Variants in NTM observed in about 807,000 individuals in gnomAD.
NTM encodes the protein neurotrimin, also known as IgLON family member 2.
NTM carries 13 observed loss-of-function variants against 42.1 expected under a neutral mutation model. That is an observed-to-expected ratio of 0.31 (90% CI 0.20 to 0.49). NTM has a LOEUF of 0.49. NTM is among the 20% of genes least tolerant of loss of function. NTM has a pLI of 0.99. For synonymous variants in NTM, 187 were observed against 179.2 expected, an observed-to-expected ratio of 1.04 and a Z score of -0.35; for missense variants, 373 against 452.8, an observed-to-expected ratio of 0.82 and a Z score of 1.60.
intron 3 of NTM, among the ~76,000 whole-genome samples, chr11:132,168,992 G>A (rs2075707235): frequency 9.3e-6 from 1 of 107,056 alleles, no homozygotes; most frequent in South Asian, 2.6e-4. Flanking sequence ...TAGGCAAATG[G>A]TATGCAGAAC....
chr11:131,464,359 T>TG (rs143677319), intron 1 of NTM, among the ~76,000 whole-genome samples: 6,368 of 146,144 alleles, frequency 0.044, 189 homozygotes, highest in African/African-American at 0.089. Flanking sequence ...CAGGGAAAGC[T>TG]GGGGGGGGGG....
intron 4 of NTM, among the ~76,000 whole-genome samples, chr11:132,292,864 T>C (rs889939810): frequency 1.3e-4 from 19 of 148,400 alleles, no homozygotes; most frequent in African/African-American, 4.7e-4. Context: ...GAAAAATAAT[T>C]GTTCCCTCAA....
Position 132,291,318 on chromosome 11 carries a change from G to A in NTM, c.527-16371G>A, listed in dbSNP as rs150957117. On this transcript the variant is annotated intron_variant, in intron 4 of 8. Coordinates refer to ENST00000683400, the MANE Select transcript of NTM (RefSeq NM_001352005.2). ...GGATTTGATATTGGATTCAGGAAGC[G>A]TTAAGTACTGAGTATGACTTCTACA... Among the ~76,000 whole-genome samples the A allele has an allele frequency of 2.1e-4, 32 of 152,214 alleles. No individual in the cohort carries two copies. The East Asian group carries it at 3.9e-3, about 18-fold the overall frequency.
At chr11:131,718,699 C>A (rs2077988758) in intron 1 of NTM, among the ~76,000 whole-genome samples, 1 of 152,068 alleles carries the variant, frequency 6.6e-6, no homozygotes, top group Non-Finnish European at 1.5e-5. Flanking sequence ...GTTCTCTGTG[C>A]AGATTTCTCC....
chr11:131,717,665 A>G (rs1402934054), intron 1 of NTM, among the ~76,000 whole-genome samples: 13 of 152,196 alleles, frequency 8.5e-5, no homozygotes, highest in Admixed American at 8.5e-4. Flanking sequence ...TCTGCAAATG[A>G]CAGTTTTACT....
intron 1 of NTM, among the ~76,000 whole-genome samples, chr11:131,842,589 C>CA (rs1221673816): frequency 2.6e-5 from 4 of 152,014 alleles, no homozygotes; most frequent in Non-Finnish European, 4.4e-5. Flanking sequence ...GCATCCAGGA[C>CA]AAAAAAATCT....
At chr11:131,587,921 T>C (rs558160584) in intron 1 of NTM, among the ~76,000 whole-genome samples, 5 of 152,184 alleles carry the variant, frequency 3.3e-5, no homozygotes, top group Non-Finnish European at 5.9e-5. Flanking sequence ...AGGATGAGGC[T>C]GATGAGGAAG....
At chr11:131,893,323 G>A (rs1008853347) in intron 1 of NTM, among the ~76,000 whole-genome samples, 2 of 152,178 alleles carry the variant, frequency 1.3e-5, no homozygotes, top group African/African-American at 4.8e-5. Flanking sequence ...ATATAAATGA[G>A]TCAGTTTCCT....
intron 1 of NTM, among the ~76,000 whole-genome samples, chr11:131,517,747 T>G (rs2049082465): frequency 6.6e-6 from 1 of 152,234 alleles, no homozygotes; most frequent in Non-Finnish European, 1.5e-5. Flanking sequence ...TGTATTGACC[T>G]GCCTTCAGAT....
intron 3 of NTM, among the ~76,000 whole-genome samples, chr11:132,154,871 C>A (rs935176463): frequency 6.6e-6 from 1 of 152,198 alleles, no homozygotes; most frequent in African/African-American, 2.4e-5. Flanking sequence ...CAGAGGAATT[C>A]ACTCCTGGAG....
chr11:131,776,583 T>C (rs964796504), intron 1 of NTM, among the ~76,000 whole-genome samples: 1 of 136,830 alleles, frequency 7.3e-6, no homozygotes, highest in African/African-American at 2.6e-5. Flanking sequence ...ATTTTAGACA[T>C]TTTTTTTTTT....
chr11:131,589,111 A>C (rs1179967938), intron 1 of NTM, among the ~76,000 whole-genome samples: 1 of 151,838 alleles, frequency 6.6e-6, no homozygotes, highest in Non-Finnish European at 1.5e-5. Flanking sequence ...ATTAGTATTT[A>C]AGTGAGATTA....
At chr11:131,776,146 G>A (rs2086932937) in intron 1 of NTM, among the ~76,000 whole-genome samples, 1 of 152,148 alleles carries the variant, frequency 6.6e-6, no homozygotes, top group South Asian at 2.1e-4. Flanking sequence ...CTCTTAATTA[G>A]GTTCAAACTA....
Position 131,894,958 on chromosome 11 carries a change from G to T in NTM, c.83-16606G>T, listed in dbSNP as rs527603322. On this transcript the variant is annotated intron_variant, in intron 1 of 8. Coordinates refer to ENST00000683400, the MANE Select transcript of NTM (RefSeq NM_001352005.2). The stretch of plus-strand genomic sequence containing the variant: ...AGAGCAGGCTTTGCTGTGACGGATG[G>T]GTCTGCCAAGGCTGGCGCTGTGCCA... Among the ~76,000 whole-genome samples the T allele has an allele frequency of 4.3e-4, 66 of 152,280 alleles. 1 individual carries two copies. The highest frequency in any genetic ancestry group is 1.5e-3 in the African/African-American group (63 of 41,566).
intron 2 of NTM, among the ~76,000 whole-genome samples, chr11:132,079,433 A>G (rs2058751747): frequency 1.3e-5 from 2 of 152,146 alleles, no homozygotes; most frequent in South Asian, 4.1e-4. Context: ...ATGCTTGCCA[A>G]AGGGTGCTTT....
intron 1 of NTM, among the ~76,000 whole-genome samples, chr11:131,860,536 T>A (rs1283637627): frequency 1.3e-5 from 2 of 152,178 alleles, no homozygotes; most frequent in Non-Finnish European, 2.9e-5. Flanking sequence ...TCCCTAGCAC[T>A]TACTAACATA....
At chr11:132,243,983 C>G (rs191483616) in intron 4 of NTM, among the ~76,000 whole-genome samples, 37 of 152,314 alleles carry the variant, frequency 2.4e-4, no homozygotes, top group African/African-American at 8.7e-4. Flanking sequence ...TCTGCCATCC[C>G]GTCTCATGGG....
chr11:131,926,471 C>T lies in NTM; in HGVS notation c.167+14823C>T, dbSNP rs76346212. Among the ~76,000 whole-genome samples, 1,462 of 151,960 alleles carry T rather than the reference C, an allele frequency of 9.6e-3. 20 individuals carry two copies. The highest frequency in any genetic ancestry group is 0.034 in the African/African-American group (1,408 of 41,424). On this transcript the variant is annotated intron_variant, in intron 2 of 8. Transcript: ENST00000683400. Reference sequence around the variant, plus strand: ...GTGGGGAGAGCCATGCAGGGAATAGCGTGCTGGGCAGAGTATCGGCAAGTG... The same window carrying T: ...GTGGGGAGAGCCATGCAGGGAATAGTGTGCTGGGCAGAGTATCGGCAAGTG...
intron 2 of NTM, among the ~76,000 whole-genome samples, chr11:132,041,192 T>G (rs2077133632): frequency 8.3e-6 from 1 of 120,944 alleles, no homozygotes; most frequent in Non-Finnish European, 1.7e-5. Context: ...TTTTTGTTTG[T>G]GTGTGGGTGT....
Sources: allele counts gnomAD v4.1 joint callset (sites outside exome capture counted in the v4.1 genomes callset), GRCh38; gene constraint gnomAD v4.1.1; transcripts MANE v1.5; gene names NCBI Gene and HGNC (gene_info 2026-07-23, HGNC 2026-07-21).